The following NPHP1 variants were observed in gnomAD, a reference collection of about 807,000 sequenced individuals.
NPHP1 encodes the protein nephrocystin-1.
A neutral mutation model predicts 90.4 loss-of-function variants in NPHP1; 70 were observed. That is an observed-to-expected ratio of 0.77 (90% CI 0.64 to 0.95). The LOEUF is 0.95. Ranked by LOEUF, NPHP1 falls within the 40% of genes least tolerant of loss-of-function variation. The pLI is 0.00. For missense variants in NPHP1, 764 were observed against 795.9 expected, an observed-to-expected ratio of 0.96 and a Z score of 0.48; for synonymous variants, 256 against 271.7, an observed-to-expected ratio of 0.94 and a Z score of 0.57.
At chr2:110,149,052 C>T (rs191634005) in intron 12 of NPHP1, among the ~76,000 whole-genome samples, 1 of 152,302 alleles carries the variant, frequency 6.6e-6, no homozygotes. Flanking sequence ...ACCAACAGTA[C>T]TTGCCCCACA....
intron 16 of NPHP1, among the ~76,000 whole-genome samples, chr2:110,142,670 C>T (rs1030806384): frequency 3.3e-5 from 5 of 152,118 alleles, no homozygotes; most frequent in Admixed American, 3.3e-4. Flanking sequence ...GTCTACTGAA[C>T]ATCAGAGCTT....
chr2:110,167,456 A>G (rs1682797714), intron 6 of NPHP1, among the ~76,000 whole-genome samples: 1 of 152,130 alleles, frequency 6.6e-6, no homozygotes, highest in Non-Finnish European at 1.5e-5. Context: ...AAACCCCTAA[A>G]TGATGGGGTT....
At chr2:110,167,438 C>T (rs1222852405) in intron 6 of NPHP1, among the ~76,000 whole-genome samples, 1 of 152,018 alleles carries the variant, frequency 6.6e-6, no homozygotes. Context: ...CTAATGAAAC[C>T]TTCAGAAAAA....
chr2:110,123,630 A>C lies in NPHP1; in HGVS notation c.*161T>G, dbSNP rs1027503047. ...TTTTATGGTTTTAAAAAATATTTAA[A>C]TTATTGTATAAACATTTCTTTAAAA... On this transcript the variant is annotated 3_prime_UTR_variant, in exon 20 of 20. Coordinates refer to ENST00000445609, the MANE Select transcript of NPHP1 (RefSeq NM_001128178.3). The C allele has an allele frequency of 3.1e-6, 2 of 647,268 alleles. No individual in the cohort carries two copies. The highest frequency in any genetic ancestry group is 2.2e-5 in the South Asian group (1 of 45,594). 40.1% of individuals were successfully genotyped at this position (647,268 alleles called of 1,614,324 possible).
intron 2 of NPHP1, chr2:110,184,766 G>C (rs1465303345): frequency 4.2e-6 from 3 of 713,198 alleles, no homozygotes; most frequent in African/African-American, 3.5e-5. Context: ...CCCCCAGAAG[G>C]AAGAGACACT....
intron 11 of NPHP1, among the ~76,000 whole-genome samples, chr2:110,157,852 C>T (rs988740952): frequency 1.3e-5 from 2 of 152,128 alleles, no homozygotes; most frequent in Admixed American, 6.5e-5. Context: ...TTCACATTGA[C>T]CGTTATCAGC....
intron 2 of NPHP1, among the ~76,000 whole-genome samples, chr2:110,185,695 G>A (rs1329211780): frequency 6.6e-6 from 1 of 152,156 alleles, no homozygotes; most frequent in African/African-American, 2.4e-5. Context: ...CCTCTGTCTG[G>A]TTTTGTTGCC....
chr2:110,180,283 T>G (rs547548231), intron 2 of NPHP1, among the ~76,000 whole-genome samples: 1 of 152,158 alleles, frequency 6.6e-6, no homozygotes, highest in African/African-American at 2.4e-5. Flanking sequence ...GTCCAGAGTT[T>G]TATTTATTCC....
intron 16 of NPHP1, among the ~76,000 whole-genome samples, chr2:110,132,076 C>T (rs1278377861): frequency 6.6e-6 from 1 of 152,148 alleles, no homozygotes; most frequent in East Asian, 1.9e-4. Flanking sequence ...CGGGAAGCCA[C>T]TAATTATGTT....
At position 110,123,728 on chromosome 2, in the gene NPHP1, T is replaced by G; in HGVS notation, c.*63A>C. 6.4e-7 allele frequency: 1 copy of G among 1,558,306 alleles called. No homozygotes were observed. Among genetic ancestry groups the G allele is most frequent in the East Asian group, 2.2e-5 (1 of 44,620 alleles). On this transcript the variant is annotated 3_prime_UTR_variant, in exon 20 of 20. Transcript: ENST00000445609. Reference sequence around the variant, plus strand: ...AGTGATTTTTGGTTCCATCATTTTATTCACGTAATCGTGGAGGATCCATCT... The same window carrying G: ...AGTGATTTTTGGTTCCATCATTTTAGTCACGTAATCGTGGAGGATCCATCT...
intron 4 of NPHP1, among the ~76,000 whole-genome samples, chr2:110,176,044 T>A (rs111227578): frequency 6.6e-6 from 1 of 150,920 alleles, no homozygotes; most frequent in South Asian, 2.1e-4. Context: ...ATTTTCATTT[T>A]GGTCTTTATT....
At chr2:110,167,323 GTAT>G (rs1049048147) in intron 6 of NPHP1, among the ~76,000 whole-genome samples, 1 of 152,092 alleles carries the variant, frequency 6.6e-6, no homozygotes, top group African/African-American at 2.4e-5. Flanking sequence ...ACCAACCCAG[GTAT>G]TAGAGGTTAG....
chr2:110,177,956 G>A (rs533080112), intron 4 of NPHP1: 1 of 183,708 alleles, frequency 5.4e-6, no homozygotes, highest in Non-Finnish European at 1.1e-5. Context: ...GCCCAGGCTG[G>A]TCTTGAACTC....
At chr2:110,171,133 G>A (rs886674702) in intron 4 of NPHP1, among the ~76,000 whole-genome samples, 18 of 152,090 alleles carry the variant, frequency 1.2e-4, no homozygotes, top group African/African-American at 3.9e-4. Flanking sequence ...AACAGCATAG[G>A]GATGAAGAGA....
At chr2:110,177,506 T>G (rs1683582724) in intron 4 of NPHP1, among the ~76,000 whole-genome samples, 1 of 152,010 alleles carries the variant, frequency 6.6e-6, no homozygotes, top group African/African-American at 2.4e-5. Context: ...AAAATAACAC[T>G]CCAAGGAAAT....
At chr2:110,199,423 A>C (rs1034333110) in intron 2 of NPHP1, among the ~76,000 whole-genome samples, 3 of 151,972 alleles carry the variant, frequency 2.0e-5, no homozygotes, top group African/African-American at 7.3e-5. Context: ...AAAAAAAAAA[A>C]ACCAATATGA....
At chr2:110,178,375 G>A (rs747848168) in intron 4 of NPHP1, 48 bp downstream of exon 4, 1 of 1,546,422 alleles carries the variant, frequency 6.5e-7, no homozygotes, top group Admixed American at 1.7e-5. Context: ...AAAGCTATTG[G>A]TGATATATCT....
intron 15 of NPHP1, 188 bp downstream of exon 15, chr2:110,144,305 T>C: frequency 8.5e-6 from 5 of 586,524 alleles, no homozygotes; most frequent in Non-Finnish European, 9.2e-6. Flanking sequence ...CATGATGTCT[T>C]AGAGTCTCAT....
rs546595378 is a variant in NPHP1, at chr2:110,168,312, G to A, written c.624+140C>T. 289 of 661,318 alleles carry A rather than the reference G, an allele frequency of 4.4e-4. 1 individual carries two copies. The South Asian group carries it at 5.0e-3, about 11-fold the overall frequency. The allele number at this position is 661,318 out of a possible 1,614,324, so 41.0% of individuals were successfully genotyped here. The stretch of plus-strand genomic sequence containing the variant: ...CATTAATACACAATGTTTTTCCCAG[G>A]TCCTGTCCCTCCAAAATTAAAGCAA... On this transcript the variant is annotated intron_variant, in intron 6 of 19. Coordinates refer to ENST00000445609, the MANE Select transcript of NPHP1 (RefSeq NM_001128178.3).
Sources: allele counts gnomAD v4.1 joint callset (sites outside exome capture counted in the v4.1 genomes callset), GRCh38; gene constraint gnomAD v4.1.1; transcripts MANE v1.5; gene names NCBI Gene and HGNC (gene_info 2026-07-23, HGNC 2026-07-21).